The following GRM3 variants were observed in gnomAD, a reference collection of about 807,000 sequenced individuals.
GRM3 encodes the protein metabotropic glutamate receptor 3.
In GRM3, 26 loss-of-function variants were observed where a neutral mutation model predicts 70.5. That is an observed-to-expected ratio of 0.37 (90% CI 0.27 to 0.51). GRM3 has a LOEUF of 0.51. Ranked by LOEUF, GRM3 falls within the 20% of genes least tolerant of loss-of-function variation. GRM3 has a pLI of 0.93. For synonymous variants in GRM3, 443 were observed against 434.9 expected (o/e 1.02, Z -0.23); for missense variants, 859 against 1,123.8 (o/e 0.76, Z 3.37).
chr7:86,860,641 G>A (rs1279438716), intron 5 of GRM3, among the ~76,000 whole-genome samples: 2 of 152,166 alleles, frequency 1.3e-5, no homozygotes, highest in Non-Finnish European at 2.9e-5. Context: ...TTGCTCCTTT[G>A]AATGTCCCTA....
chr7:86,670,745 G>A (rs1794150496), intron 1 of GRM3, among the ~76,000 whole-genome samples: 1 of 152,042 alleles, frequency 6.6e-6, no homozygotes, highest in South Asian at 2.1e-4. Flanking sequence ...AACCTTCATA[G>A]TTGCCAATTT....
At chr7:86,819,078 C>T (rs989639666) in intron 3 of GRM3, among the ~76,000 whole-genome samples, 1 of 152,094 alleles carries the variant, frequency 6.6e-6, no homozygotes, top group Non-Finnish European at 1.5e-5. Flanking sequence ...CCCACGGAGT[C>T]CTGACAGCTC....
intron 1 of GRM3, among the ~76,000 whole-genome samples, chr7:86,757,173 C>T (rs1796365481): frequency 6.6e-6 from 1 of 152,132 alleles, no homozygotes; most frequent in Non-Finnish European, 1.5e-5. Flanking sequence ...TCAAATAATG[C>T]TTTCTCTCTT....
intron 3 of GRM3, among the ~76,000 whole-genome samples, chr7:86,822,506 A>G (rs1562874797): frequency 6.6e-6 from 1 of 152,084 alleles, no homozygotes; most frequent in Admixed American, 6.6e-5. Flanking sequence ...GGGCATATAA[A>G]GCAGAGAACA....
At chr7:86,691,676 G>A (rs368747882) in intron 1 of GRM3, among the ~76,000 whole-genome samples, 2 of 152,172 alleles carry the variant, frequency 1.3e-5, no homozygotes, top group East Asian at 3.9e-4. Flanking sequence ...CCTTTACCAT[G>A]GGAGTAGATT....
intron 5 of GRM3, among the ~76,000 whole-genome samples, chr7:86,861,165 G>A (rs563869248): frequency 1.3e-5 from 2 of 152,324 alleles, no homozygotes; most frequent in African/African-American, 4.8e-5. Flanking sequence ...AATGTGGCTT[G>A]AGAAGCAAAA....
rs1420040713 is a variant in GRM3, at chr7:86,656,700, G to A, written c.-141+11828G>A. Among the ~76,000 whole-genome samples the A allele has an allele frequency of 2.0e-5, 3 of 151,908 alleles. No homozygotes were observed. The East Asian group carries it at 5.8e-4, about 29-fold the overall frequency. On this transcript the variant is annotated intron_variant, in intron 1 of 5. Coordinates refer to ENST00000361669, the MANE Select transcript of GRM3 (RefSeq NM_000840.3). ...TCTACTTGACTAACACCCAGATTTA[G>A]CAAAGTACCTAGTTTCTAATATATT...
chr7:86,815,281 C>A (rs978808008), intron 3 of GRM3, among the ~76,000 whole-genome samples: 2 of 151,692 alleles, frequency 1.3e-5, no homozygotes, highest in African/African-American at 4.8e-5. Flanking sequence ...AGGACAAAAC[C>A]AATGAAAGGG....
intron 3 of GRM3, among the ~76,000 whole-genome samples, chr7:86,793,774 C>A (rs1346391336): frequency 6.6e-6 from 1 of 152,014 alleles, no homozygotes; most frequent in East Asian, 1.9e-4. Context: ...GTGCTTTCTG[C>A]TGCTGCTGCT....
intron 1 of GRM3, among the ~76,000 whole-genome samples, chr7:86,691,843 T>C (rs1794703953): frequency 6.6e-6 from 1 of 152,172 alleles, no homozygotes; most frequent in African/African-American, 2.4e-5. Flanking sequence ...TCCAGAACTG[T>C]GAGAAATAAA....
In GRM3 at chr7:86,793,564, C is replaced by T. The variant is rs545188019; in HGVS notation, c.1324+6448C>T. Among the ~76,000 whole-genome samples the T allele has an allele frequency of 1.8e-4, 27 of 152,296 alleles. No homozygotes were observed. In the South Asian group the frequency reaches 5.6e-3, roughly 32 times the overall value. On this transcript the variant is annotated intron_variant, in intron 3 of 5. Coordinates refer to ENST00000361669, the MANE Select transcript of GRM3 (RefSeq NM_000840.3). Reference sequence around the variant, plus strand: ...AAATATCCTGTACTTCTTTCTTCCCCCTTCTCTCTGGTCAGCTTCCTGGGG... The same window carrying T: ...AAATATCCTGTACTTCTTTCTTCCCTCTTCTCTCTGGTCAGCTTCCTGGGG...
intron 1 of GRM3, among the ~76,000 whole-genome samples, chr7:86,705,772 T>C (rs1421304907): frequency 6.6e-6 from 1 of 152,124 alleles, no homozygotes; most frequent in Non-Finnish European, 1.5e-5. Context: ...AATAATTTTA[T>C]ATCACCATGC....
chr7:86,852,214 AAAG>A (rs1405256280), intron 5 of GRM3, among the ~76,000 whole-genome samples: 4 of 152,166 alleles, frequency 2.6e-5, no homozygotes, highest in East Asian at 1.9e-4. Context: ...GAGAGAATAA[AAAG>A]AAGGTTATCC....
At chr7:86,718,285 AC>A (rs1418661759) in intron 1 of GRM3, among the ~76,000 whole-genome samples, 1 of 151,958 alleles carries the variant, frequency 6.6e-6, no homozygotes, top group Non-Finnish European at 1.5e-5. Flanking sequence ...TAAACTAGCC[AC>A]CACCTAAGAT....
At chr7:86,718,338 C>T (rs1480267163) in intron 1 of GRM3, among the ~76,000 whole-genome samples, 2 of 151,902 alleles carry the variant, frequency 1.3e-5, no homozygotes, top group African/African-American at 4.8e-5. Flanking sequence ...CACTGGAAAA[C>T]ATTATACTGT....
intron 3 of GRM3, among the ~76,000 whole-genome samples, chr7:86,790,760 A>G (rs565234460): frequency 6.6e-6 from 1 of 152,008 alleles, no homozygotes; most frequent in South Asian, 2.1e-4. Flanking sequence ...TAACCCAGAT[A>G]TTTCTGTGGT....
In GRM3 at chr7:86,685,027, G is replaced by C. The variant is rs190154416; in HGVS notation, c.-141+40155G>C. On this transcript the variant is annotated intron_variant, in intron 1 of 5. Transcript: ENST00000361669. ...TAATTACTTCCTATTTGTTTGTTCA[G>C]ACTGTTACTTTTGTTTTCTTATAGA... 1.6e-4 allele frequency among the ~76,000 whole-genome samples: 24 copies of C among 152,270 alleles called. No homozygotes were observed. In the East Asian group the frequency reaches 3.7e-3, roughly 23 times the overall value.
At chr7:86,857,312 A>C (rs1562884099) in intron 5 of GRM3, among the ~76,000 whole-genome samples, 1 of 152,154 alleles carries the variant, frequency 6.6e-6, no homozygotes, top group Non-Finnish European at 1.5e-5. Flanking sequence ...AGGAAGATGA[A>C]TAAAAGTGAG....
chr7:86,844,357 AC>A (rs1295409646), intron 4 of GRM3, among the ~76,000 whole-genome samples: 2 of 152,222 alleles, frequency 1.3e-5, no homozygotes, highest in Admixed American at 1.3e-4. Flanking sequence ...ACACTCTTAA[AC>A]AAAAATATCT....
Sources: gnomAD v4.1 joint callset for allele counts (sites outside exome capture counted in the v4.1 genomes callset) on GRCh38, gnomAD v4.1.1 for gene constraint, MANE v1.5 for transcripts, NCBI Gene and HGNC (gene_info 2026-07-23, HGNC 2026-07-21) for gene names.